CTNND2: variants seen among roughly 807,000 people sequenced by gnomAD.
The protein encoded by CTNND2 is catenin delta-2.
Under a neutral mutation model 144.4 loss-of-function variants are expected in CTNND2, and 22 were observed. The ratio of observed to expected loss-of-function variants is 0.15; its 90% CI spans 0.11 to 0.22. The LOEUF is 0.22. Ranked by LOEUF, CTNND2 falls within the 10% of genes least tolerant of loss-of-function variation. The pLI is 1.00. For missense variants in CTNND2, 1,353 were observed against 1,618.8 expected, an observed-to-expected ratio of 0.84 and a Z score of 2.82; for synonymous variants, 751 against 695.6, an observed-to-expected ratio of 1.08 and a Z score of -1.25.
rs535332937 is a variant in CTNND2, at chr5:11,343,591, A to C, written c.1628+2781T>G. ...GTAAAGAAATAAAAATGTTCGTGCC[A>C]ACATGTGCTGCAGTATGGATTCAAT... On this transcript the variant is annotated intron_variant, in intron 9 of 21. Coordinates refer to ENST00000304623, the MANE Select transcript of CTNND2 (RefSeq NM_001332.4). 2.0e-5 allele frequency among the ~76,000 whole-genome samples: 3 copies of C among 152,262 alleles called. No homozygotes were observed. The South Asian group carries it at 6.2e-4, about 32-fold the overall frequency.
At chr5:11,873,506 C>A (rs1238532667) in intron 1 of CTNND2, among the ~76,000 whole-genome samples, 2 of 152,132 alleles carry the variant, frequency 1.3e-5, no homozygotes, top group Non-Finnish European at 2.9e-5. Context: ...TGAACTGGAT[C>A]ACAAAGAGAT....
chr5:11,605,297 G>A (rs756084228), intron 2 of CTNND2, among the ~76,000 whole-genome samples: 1 of 152,206 alleles, frequency 6.6e-6, no homozygotes, highest in African/African-American at 2.4e-5. Context: ...CCACGTTTAT[G>A]TCAATGTGCT....
rs577392499 is a variant in CTNND2 at position 11,066,606 on chromosome 5, A to G, written c.2788+16090T>C. 5.3e-5 allele frequency among the ~76,000 whole-genome samples: 8 copies of G among 152,284 alleles called. No homozygotes were observed. In the East Asian group the frequency reaches 5.8e-4, roughly 11 times the overall value. On this transcript the variant is annotated intron_variant, in intron 16 of 21. Coordinates refer to ENST00000304623, the MANE Select transcript of CTNND2 (RefSeq NM_001332.4). ...AGTGCACCCTGACCACTTTGGGCAC[A>G]TATTCTGAAGACCTCCTGAGGGCTG... is the stretch of plus-strand genomic sequence containing the variant.
At chr5:11,440,041 A>C (rs1764134142) in intron 3 of CTNND2, among the ~76,000 whole-genome samples, 1 of 152,082 alleles carries the variant, frequency 6.6e-6, no homozygotes, top group African/African-American at 2.4e-5. Flanking sequence ...ATGCAGGTAC[A>C]ACTTGCAGAA....
At chr5:11,453,806 C>T (rs1765492214) in intron 3 of CTNND2, among the ~76,000 whole-genome samples, 4 of 151,930 alleles carry the variant, frequency 2.6e-5, no homozygotes, top group Admixed American at 2.6e-4. Context: ...TACACTTGTA[C>T]TCTTCCTTTT....
At chr5:11,882,787 T>TA (rs767004070) in intron 1 of CTNND2, among the ~76,000 whole-genome samples, 3 of 152,136 alleles carry the variant, frequency 2.0e-5, no homozygotes, top group South Asian at 2.1e-4. Context: ...TTTGGCTACT[T>TA]AGAGTCTTTT....
intron 3 of CTNND2, among the ~76,000 whole-genome samples, chr5:11,528,978 G>A (rs1166406460): frequency 2.0e-5 from 3 of 152,220 alleles, no homozygotes; most frequent in Non-Finnish European, 2.9e-5. Flanking sequence ...AGAGGCCGGC[G>A]TTGACAGGTA....
At chr5:11,805,689 A>G (rs148298607) in intron 1 of CTNND2, among the ~76,000 whole-genome samples, 259 of 148,822 alleles carry the variant, frequency 1.7e-3, no homozygotes, top group Non-Finnish European at 3.1e-3. Flanking sequence ...ATACTAATAT[A>G]AAGGTTTGAA....
In CTNND2 at chr5:11,904,270, G is replaced by C. The variant is rs1331282300; in HGVS notation, c.-417C>G. ...GCGGCGCCCGGCGCCGAGCGCTCCC[G>C]AGCTGCGCCCCGCGCGCGGCCCGCG... On this transcript the variant is annotated 5_prime_UTR_variant, in exon 1 of 22. Coordinates refer to ENST00000304623, the MANE Select transcript of CTNND2 (RefSeq NM_001332.4). The surrounding 1 kb of genome is among the most constrained non-coding windows in gnomAD (Gnocchi z 4.2). Among the ~76,000 whole-genome samples the C allele has an allele frequency of 6.9e-6, 1 of 145,624 alleles. No homozygotes were observed. Among genetic ancestry groups the C allele is most frequent in the African/African-American group, 2.5e-5 (1 of 40,690 alleles).
intron 1 of CTNND2, among the ~76,000 whole-genome samples, chr5:11,861,106 A>T (rs1048144271): frequency 6.6e-6 from 1 of 152,174 alleles, no homozygotes; most frequent in Non-Finnish European, 1.5e-5. Flanking sequence ...TCTGACATAC[A>T]TAAGTCCATT....
At chr5:11,629,018 G>C (rs1014688514) in intron 2 of CTNND2, among the ~76,000 whole-genome samples, 1 of 152,232 alleles carries the variant, frequency 6.6e-6, no homozygotes, top group South Asian at 2.1e-4. Flanking sequence ...GTGGAAGGTG[G>C]ATGACACATA....
At chr5:11,329,811 T>C (rs1240257981) in intron 9 of CTNND2, among the ~76,000 whole-genome samples, 1 of 152,216 alleles carries the variant, frequency 6.6e-6, no homozygotes, top group African/African-American at 2.4e-5. Context: ...CCAAGGCTCC[T>C]GCCATGGTCC....
chr5:11,302,859 G>T (rs1749756455), intron 9 of CTNND2, among the ~76,000 whole-genome samples: 2 of 152,162 alleles, frequency 1.3e-5, no homozygotes, highest in Non-Finnish European at 2.9e-5. Flanking sequence ...CAATGTAGAG[G>T]GAAGTTAGGA....
At chr5:11,875,186 T>C (rs1406254941) in intron 1 of CTNND2, among the ~76,000 whole-genome samples, 1 of 152,200 alleles carries the variant, frequency 6.6e-6, no homozygotes, top group African/African-American at 2.4e-5. Flanking sequence ...AAACCTTTGT[T>C]GTTCAGGGTT....
At chr5:11,802,407 A>G (rs1791743939) in intron 1 of CTNND2, among the ~76,000 whole-genome samples, 1 of 151,918 alleles carries the variant, frequency 6.6e-6, no homozygotes, top group African/African-American at 2.4e-5. Flanking sequence ...GTCCCTACTA[A>G]AAGTGCAAAA....
intron 19 of CTNND2, among the ~76,000 whole-genome samples, chr5:10,991,755 G>A (rs375403311): frequency 1.6e-4 from 25 of 152,230 alleles, no homozygotes; most frequent in African/African-American, 4.8e-4. Flanking sequence ...GGCATCTGCC[G>A]GTTTATCATT....
At chr5:11,246,165 C>G (rs368616002) in intron 9 of CTNND2, among the ~76,000 whole-genome samples, 2 of 152,118 alleles carry the variant, frequency 1.3e-5, no homozygotes, top group Non-Finnish European at 2.9e-5. Context: ...AGCTGACTTT[C>G]GATTGGTCAC....
intron 3 of CTNND2, among the ~76,000 whole-genome samples, chr5:11,491,829 A>G (rs26151): frequency 0.63 from 95,600 of 152,128 alleles, 31,404 homozygotes; most frequent in African/African-American, 0.81. Context: ...TTTAAATAAC[A>G]TATCTGAGAC....
Position 11,441,133 on chromosome 5 carries a change from A to G in CTNND2, c.288-29064T>C, listed in dbSNP as rs1031621126. ...ATGTTAGGCAACATTTAAAAATTAT[A>G]TGGGGATCATATTTGGTAATTACTT... On this transcript the variant is annotated intron_variant, in intron 3 of 21. Coordinates refer to ENST00000304623, the MANE Select transcript of CTNND2 (RefSeq NM_001332.4). 2.6e-5 allele frequency among the ~76,000 whole-genome samples: 4 copies of G among 152,188 alleles called. No homozygotes were observed. In the South Asian group the frequency reaches 6.2e-4, roughly 24 times the overall value.
Sources: gnomAD v4.1 joint callset for allele counts (sites outside exome capture counted in the v4.1 genomes callset) on GRCh38, gnomAD v4.1.1 for gene constraint, Gnocchi (gnomAD v3.1) non-coding constraint, MANE v1.5 for transcripts, NCBI Gene and HGNC (gene_info 2026-07-23, HGNC 2026-07-21) for gene names.